The following GRID2 variants were observed in gnomAD, a reference collection of about 807,000 sequenced individuals.
The protein encoded by GRID2 is glutamate receptor ionotropic, delta-2.
In GRID2, 33 loss-of-function variants were observed where a neutral mutation model predicts 114.8. The observed-to-expected ratio is 0.29, with a 90% confidence interval of 0.22 to 0.38. GRID2 has a LOEUF of 0.38. GRID2 is among the 10% of genes least tolerant of loss of function. The pLI is 1.00. For synonymous variants in GRID2, 505 were observed against 449.9 expected, an observed-to-expected ratio of 1.12 and a Z score of -1.55; for missense variants, 1,184 against 1,257.7, an observed-to-expected ratio of 0.94 and a Z score of 0.89.
intron 2 of GRID2, among the ~76,000 whole-genome samples, chr4:92,685,964 G>A (rs566029478): frequency 2.2e-4 from 34 of 151,948 alleles, no homozygotes; most frequent in Non-Finnish European, 2.4e-4. Context: ...TCAGTTTAAC[G>A]TTACTTTCAG....
intron 13 of GRID2, among the ~76,000 whole-genome samples, chr4:93,578,585 G>GTTTTTTTTTTTT (rs1736642083): frequency 1.7e-5 from 2 of 115,252 alleles, no homozygotes; most frequent in African/African-American, 7.6e-5. Context: ...CTTGTTTTTT[G>GTTTTTTTTTTTT]TATTTTTTTT....
At chr4:92,666,304 A>T (rs991323758) in intron 2 of GRID2, among the ~76,000 whole-genome samples, 1 of 151,466 alleles carries the variant, frequency 6.6e-6, no homozygotes, top group Non-Finnish European at 1.5e-5. Flanking sequence ...TCATACATAT[A>T]TATTTCTTAC....
intron 2 of GRID2, among the ~76,000 whole-genome samples, chr4:92,700,774 C>T (rs1225612375): frequency 1.3e-5 from 2 of 152,052 alleles, no homozygotes; most frequent in Admixed American, 1.3e-4. Flanking sequence ...GGGTGAATCA[C>T]GAGGTCAGGA....
chr4:92,858,264 A>G (rs556972651), intron 2 of GRID2, among the ~76,000 whole-genome samples: 2 of 152,306 alleles, frequency 1.3e-5, no homozygotes, highest in African/African-American at 2.4e-5. Flanking sequence ...TAAAGTTGCC[A>G]TAGACAGTGA....
chr4:93,038,767 G>A (rs536455095), intron 2 of GRID2, among the ~76,000 whole-genome samples: 1 of 152,046 alleles, frequency 6.6e-6, no homozygotes, highest in Non-Finnish European at 1.5e-5. Flanking sequence ...CTCCAGCCTG[G>A]GTGACAGAGT....
intron 1 of GRID2, among the ~76,000 whole-genome samples, chr4:93,792,475 C>G (rs1205010151): frequency 1.8e-4 from 28 of 152,104 alleles, no homozygotes; most frequent in Admixed American, 1.8e-3. Flanking sequence ...TAGGCCAATG[C>G]AAAATTATGA....
chr4:93,347,526 GA>G (rs36085901), intron 8 of GRID2, among the ~76,000 whole-genome samples: 1 of 152,068 alleles, frequency 6.6e-6, no homozygotes, highest in Non-Finnish European at 1.5e-5. Context: ...TGGTAGTTGA[GA>G]AAAAATTATT....
At chr4:92,916,358 C>A (rs193155620) in intron 2 of GRID2, among the ~76,000 whole-genome samples, 1 of 151,558 alleles carries the variant, frequency 6.6e-6, no homozygotes, top group Admixed American at 6.6e-5. Flanking sequence ...TTAGAGAAAC[C>A]GACACTGTTT....
At chr4:92,767,257 T>C (rs1197627519) in intron 2 of GRID2, among the ~76,000 whole-genome samples, 1 of 152,160 alleles carries the variant, frequency 6.6e-6, no homozygotes, top group Non-Finnish European at 1.5e-5. Context: ...GGGTCCCTGA[T>C]GATTGCTCTT....
chr4:92,913,837 A>T (rs41518253), intron 2 of GRID2, among the ~76,000 whole-genome samples: 1 of 152,050 alleles, frequency 6.6e-6, no homozygotes, highest in African/African-American at 2.4e-5. Context: ...CTCAAATTCT[A>T]TAAAAGGAAA....
intron 2 of GRID2, among the ~76,000 whole-genome samples, chr4:92,632,213 A>G (rs1730842161): frequency 6.6e-6 from 1 of 152,182 alleles, no homozygotes; most frequent in Admixed American, 6.5e-5. Flanking sequence ...TTTTGGAATT[A>G]GACTATTATC....
chr4:92,682,293 C>T (rs1054946135), intron 2 of GRID2, among the ~76,000 whole-genome samples: 7 of 152,088 alleles, frequency 4.6e-5, no homozygotes. Context: ...TTCTTAACCT[C>T]CCAAATGCCC....
At chr4:93,571,953 C>T (rs752636195) in intron 13 of GRID2, among the ~76,000 whole-genome samples, 9 of 152,032 alleles carry the variant, frequency 5.9e-5, no homozygotes, top group Non-Finnish European at 1.2e-4. Context: ...GGCTTAATCG[C>T]AGAAAAGGTT....
intron 2 of GRID2, among the ~76,000 whole-genome samples, chr4:92,713,762 G>T (rs1735396646): frequency 2.6e-5 from 4 of 151,906 alleles, no homozygotes; most frequent in Admixed American, 2.6e-4. Flanking sequence ...CAGATCTCAT[G>T]AGACTTATTC....
intron 13 of GRID2, among the ~76,000 whole-genome samples, chr4:93,560,065 C>T (rs557129443): frequency 1.4e-4 from 21 of 151,594 alleles, no homozygotes; most frequent in Non-Finnish European, 1.3e-4. Context: ...ACATCACACA[C>T]TGGGGCCTGT....
rs917620621 is a variant in GRID2 at position 92,536,179 on chromosome 4, A to G, written c.89-53952A>G. ...CCACCCACATCCTGCTGATTGGTCC[A>G]TTTTACAGAGTGCTGATTGGTCTGT... On this transcript the variant is annotated intron_variant, in intron 1 of 15. Coordinates refer to ENST00000282020, the MANE Select transcript of GRID2 (RefSeq NM_001510.4). 9.2e-5 allele frequency among the ~76,000 whole-genome samples: 14 copies of G among 152,252 alleles called. No homozygotes were observed. In the South Asian group the frequency reaches 2.9e-3, roughly 31 times the overall value.
intron 8 of GRID2, among the ~76,000 whole-genome samples, chr4:93,361,472 T>TTAG (rs1164592232): frequency 6.0e-5 from 9 of 149,528 alleles, no homozygotes; most frequent in Non-Finnish European, 1.2e-4. Context: ...ACTGTGATTA[T>TTAG]TATTATTATT....
chr4:93,598,825 C>T (rs1402508892), intron 13 of GRID2, among the ~76,000 whole-genome samples: 2 of 152,076 alleles, frequency 1.3e-5, no homozygotes, highest in African/African-American at 2.4e-5. Context: ...CAAATTTGTG[C>T]ATATCTGTGT....
intron 1 of GRID2, among the ~76,000 whole-genome samples, chr4:92,331,469 G>A (rs1438192959): frequency 4.6e-5 from 7 of 152,144 alleles, no homozygotes; most frequent in East Asian, 1.9e-4. Context: ...GAGGAATGGC[G>A]CTTTGCTTTT....
Sources: gnomAD v4.1 joint callset for allele counts (sites outside exome capture counted in the v4.1 genomes callset) on GRCh38, gnomAD v4.1.1 for gene constraint, MANE v1.5 for transcripts, NCBI Gene and HGNC (gene_info 2026-07-23, HGNC 2026-07-21) for gene names.